The following CAMTA1 variants were observed in gnomAD, a reference collection of about 807,000 sequenced individuals.
CAMTA1 encodes calmodulin-binding transcription activator 1.
In CAMTA1, 27 loss-of-function variants were observed where a neutral mutation model predicts 170.9. That is an observed-to-expected ratio of 0.16 (90% CI 0.12 to 0.22). The LOEUF is 0.22. Ranked by LOEUF, CAMTA1 falls within the 10% of genes least tolerant of loss-of-function variation. The pLI is 1.00. For synonymous variants in CAMTA1, 833 were observed against 891.5 expected, an observed-to-expected ratio of 0.93 and a Z score of 1.17; for missense variants, 1,619 against 2,217.2, an observed-to-expected ratio of 0.73 and a Z score of 5.42.
chr1:7,758,879 G>T (rs2096952871), intron 22 of CAMTA1, among the ~76,000 whole-genome samples: 1 of 145,936 alleles, frequency 6.9e-6, no homozygotes, highest in Non-Finnish European at 1.5e-5. Context: ...AGCTTGCAGT[G>T]AGCCGAGATA....
At chr1:7,171,105 G>T (rs1442513147) in intron 4 of CAMTA1, among the ~76,000 whole-genome samples, 1 of 152,172 alleles carries the variant, frequency 6.6e-6, no homozygotes, top group Non-Finnish European at 1.5e-5. Context: ...CTTCCCTTCA[G>T]AGCTTTCCTT....
At chr1:7,575,631 G>A (rs969188737) in intron 6 of CAMTA1, among the ~76,000 whole-genome samples, 21 of 152,382 alleles carry the variant, frequency 1.4e-4, no homozygotes, top group African/African-American at 4.8e-4. Flanking sequence ...GGCCAAAAGG[G>A]TTCATCACTT....
intron 11 of CAMTA1, among the ~76,000 whole-genome samples, chr1:7,717,526 A>T (rs573720471): frequency 1.0e-3 from 155 of 152,110 alleles, no homozygotes; most frequent in Non-Finnish European, 1.7e-3. Flanking sequence ...CAAGAGGATC[A>T]CTTGAGCCCA....
At chr1:7,669,137 T>C (rs944950721) in intron 9 of CAMTA1, among the ~76,000 whole-genome samples, 66 of 152,204 alleles carry the variant, frequency 4.3e-4, no homozygotes, top group Admixed American at 4.3e-3. Flanking sequence ...ACACAGCTAC[T>C]GAGGCGCAGG....
chr1:7,217,467 C>T (rs1265956446), intron 4 of CAMTA1, among the ~76,000 whole-genome samples: 1 of 152,084 alleles, frequency 6.6e-6, no homozygotes, highest in African/African-American at 2.4e-5. Flanking sequence ...TCTTTTTAAG[C>T]CAAATTGAAA....
intron 5 of CAMTA1, among the ~76,000 whole-genome samples, chr1:7,331,710 A>G (rs1322574569): frequency 2.0e-5 from 3 of 152,204 alleles, no homozygotes; most frequent in Non-Finnish European, 4.4e-5. Flanking sequence ...CCATGTGCTC[A>G]GCAAGACAGG....
intron 6 of CAMTA1, among the ~76,000 whole-genome samples, chr1:7,621,473 A>C (rs1292924062): frequency 6.6e-6 from 1 of 152,218 alleles, no homozygotes; most frequent in Non-Finnish European, 1.5e-5. Flanking sequence ...GAGTCTGAGC[A>C]TCGTGCCTCG....
rs148001630 is a variant in CAMTA1, at chr1:6,833,825, C to G, written c.234+8615C>G. Among the ~76,000 whole-genome samples, 425 of 152,292 alleles carry G rather than the reference C, an allele frequency of 2.8e-3. 3 individuals carry two copies. The highest frequency in any genetic ancestry group is 8.8e-3 in the African/African-American group (365 of 41,534). ...TCAGGTGTTACTTTTTCAGATTATA[C>G]ATTAAATTAAGATGCAAAGTTAAAA... is the stretch of plus-strand genomic sequence containing the variant. On this transcript the variant is annotated intron_variant, in intron 3 of 22. Transcript: ENST00000303635.
chr1:6,881,694 A>G lies in CAMTA1; in HGVS notation c.234+56484A>G, dbSNP rs28377743. ...CAGAAAGGATCATTCTGGGCTGGGC[A>G]TGATGGCTCACGTCTGTAACCCCAG... On this transcript the variant is annotated intron_variant, in intron 3 of 22. Coordinates refer to ENST00000303635, the MANE Select transcript of CAMTA1 (RefSeq NM_015215.4). Among the ~76,000 whole-genome samples the G allele has an allele frequency of 8.1e-3, 1,227 of 152,320 alleles. 19 individuals are homozygous for G. Among genetic ancestry groups the G allele is most frequent in the African/African-American group, 0.028 (1,171 of 41,572 alleles).
intron 12 of CAMTA1, among the ~76,000 whole-genome samples, chr1:7,734,944 T>C (rs147227280): frequency 6.6e-6 from 1 of 152,334 alleles, no homozygotes; most frequent in East Asian, 1.9e-4. Flanking sequence ...GAGACTCACA[T>C]AAGCTGTTGA....
chr1:7,569,406 A>G (rs2095097087), intron 6 of CAMTA1, among the ~76,000 whole-genome samples: 1 of 150,568 alleles, frequency 6.6e-6, no homozygotes, highest in African/African-American at 2.4e-5. Flanking sequence ...CCACATCACC[A>G]TCATCATCAT....
At chr1:6,810,633 G>A (rs910344227) in intron 1 of CAMTA1, among the ~76,000 whole-genome samples, 1 of 152,078 alleles carries the variant, frequency 6.6e-6, no homozygotes, top group African/African-American at 2.4e-5. Context: ...GTGAAATCCC[G>A]TCTCTACTAA....
chr1:7,678,901 G>C (rs1430454973), intron 11 of CAMTA1, among the ~76,000 whole-genome samples: 1 of 152,202 alleles, frequency 6.6e-6, no homozygotes, highest in Non-Finnish European at 1.5e-5. Context: ...CTGGGCTTGG[G>C]TACATAGTTC....
At chr1:7,521,698 G>T (rs1190029071) in intron 6 of CAMTA1, among the ~76,000 whole-genome samples, 2 of 152,080 alleles carry the variant, frequency 1.3e-5, no homozygotes, top group Admixed American at 1.3e-4. Flanking sequence ...ATAGGCACAC[G>T]CCACCATGCC....
At chr1:6,954,382 G>A (rs1572004992) in intron 3 of CAMTA1, among the ~76,000 whole-genome samples, 1 of 152,170 alleles carries the variant, frequency 6.6e-6, no homozygotes, top group East Asian at 1.9e-4. Flanking sequence ...GTGTGGACGG[G>A]GGAAGCTCCA....
At chr1:7,016,423 A>C (rs1256380083) in intron 3 of CAMTA1, among the ~76,000 whole-genome samples, 2 of 152,248 alleles carry the variant, frequency 1.3e-5, no homozygotes, top group Admixed American at 1.3e-4. Flanking sequence ...CAGCTGTCGA[A>C]TGGGTGAATG....
chr1:7,034,801 C>A (rs374003927), intron 3 of CAMTA1, among the ~76,000 whole-genome samples: 1 of 152,106 alleles, frequency 6.6e-6, no homozygotes, highest in African/African-American at 2.4e-5. Context: ...TAAATGTTGT[C>A]GTTTTTTAGT....
intron 1 of CAMTA1, among the ~76,000 whole-genome samples, chr1:6,791,463 A>G (rs1277991597): frequency 6.6e-6 from 1 of 152,154 alleles, no homozygotes; most frequent in African/African-American, 2.4e-5. Flanking sequence ...CTCCCCATGT[A>G]GGATTTTGGA....
intron 4 of CAMTA1, among the ~76,000 whole-genome samples, chr1:7,184,070 C>G (rs1652765138): frequency 6.6e-6 from 1 of 152,148 alleles, no homozygotes; most frequent in African/African-American, 2.4e-5. Flanking sequence ...GAGATCCTGT[C>G]ATTTGCAACA....
Sources: gnomAD v4.1 joint callset for allele counts (sites outside exome capture counted in the v4.1 genomes callset) on GRCh38, gnomAD v4.1.1 for gene constraint, MANE v1.5 for transcripts, NCBI Gene and HGNC (gene_info 2026-07-23, HGNC 2026-07-21) for gene names.